The following CIAPIN1 variants were observed in gnomAD, a reference collection of about 807,000 sequenced individuals.
CIAPIN1 encodes anamorsin.
CIAPIN1 carries 18 observed loss-of-function variants against 34.3 expected under a neutral mutation model. That is an observed-to-expected ratio of 0.52 (90% CI 0.36 to 0.78). The LOEUF (loss-of-function observed/expected upper bound fraction) is 0.78, where lower values mean the gene tolerates loss of function less well. Among genes scored for constraint, CIAPIN1 ranks in the 30% least tolerant of loss-of-function variants. CIAPIN1 has a pLI of 0.00. For synonymous variants in CIAPIN1, 131 were observed against 140.4 expected (o/e 0.93, Z 0.47); for missense variants, 310 against 372.5 (o/e 0.83, Z 1.38).
intron 8 of CIAPIN1, among the ~76,000 whole-genome samples, chr16:57,429,648 T>C (rs558427364): frequency 6.3e-4 from 95 of 151,700 alleles, no homozygotes; most frequent in African/African-American, 1.8e-3. Flanking sequence ...CCCGCTACCA[T>C]GCCCGGCAAA....
intron 1 of CIAPIN1, among the ~76,000 whole-genome samples, chr16:57,442,510 A>G (rs552502410): frequency 9.9e-5 from 15 of 151,900 alleles, no homozygotes; most frequent in African/African-American, 3.6e-4. Context: ...AAAATACAAA[A>G]ATTAGCTGGG....
chr16:57,437,367 C>T (rs964826457), intron 3 of CIAPIN1, among the ~76,000 whole-genome samples: 19 of 151,914 alleles, frequency 1.3e-4, no homozygotes, highest in African/African-American at 4.4e-4. Flanking sequence ...GTGTCCTAAG[C>T]GTGTTTAAGG....
chr16:57,443,447 G>C (rs763415410), intron 1 of CIAPIN1, among the ~76,000 whole-genome samples: 2 of 151,924 alleles, frequency 1.3e-5, no homozygotes, highest in Non-Finnish European at 2.9e-5. Context: ...CTAATTCTGT[G>C]GTGTTTTTGT....
chr16:57,439,348 G>C lies in CIAPIN1; in HGVS notation c.158-14C>G. Reference sequence around the variant, plus strand: ...CTTTGTGGGCAGCTGAAAAGAAGAGGACTCTAATTAGCAATCTCCTGAGCC... The same window carrying C: ...CTTTGTGGGCAGCTGAAAAGAAGAGCACTCTAATTAGCAATCTCCTGAGCC... On this transcript the variant is annotated splice_polypyrimidine_tract_variant and intron_variant, in intron 2 of 8. Transcript: ENST00000394391. The C allele has an allele frequency of 6.2e-7, 1 of 1,614,020 alleles. No individual in the cohort carries two copies. The highest frequency in any genetic ancestry group is 1.3e-5 in the African/African-American group (1 of 75,024).
intron 1 of CIAPIN1, among the ~76,000 whole-genome samples, chr16:57,445,760 G>A (rs2030028023): frequency 6.7e-6 from 1 of 149,996 alleles, no homozygotes; most frequent in African/African-American, 2.4e-5. Flanking sequence ...CTACACGGGA[G>A]ACAGACAAGA....
intron 5 of CIAPIN1, 180 bp downstream of exon 5, chr16:57,433,864 C>T: frequency 1.8e-6 from 1 of 570,344 alleles, no homozygotes; most frequent in Non-Finnish European, 3.1e-6. Flanking sequence ...TGTATTATTT[C>T]AGTTTTGGAT....
chr16:57,446,530 T>G (rs2030078350), intron 1 of CIAPIN1, among the ~76,000 whole-genome samples: 1 of 152,200 alleles, frequency 6.6e-6, no homozygotes, highest in African/African-American at 2.4e-5. Context: ...CGTCAGTTAC[T>G]CTTAGCCCAA....
Position 57,434,195 on chromosome 16 carries a change from TA to T in CIAPIN1, c.404del (p.Leu135GlnfsTer52). 1 of 1,614,068 alleles carries T rather than the reference TA, an allele frequency of 6.2e-7. No individual in the cohort carries two copies. The highest frequency in any genetic ancestry group is 8.5e-7 in the Non-Finnish European group (1 of 1,179,970). On this transcript the variant is annotated frameshift_variant, in exon 5 of 9. Transcript: ENST00000394391. LOFTEE classifies it high-confidence loss of function. ...VEVKELQREP[L>X]TPEEVQSVRE... ...GAACAGACTGTACTTCCTCAGGGGT[TA>T]GGGGCTCCCGCTGCAGCTAGAATTC... is the stretch of plus-strand genomic sequence containing the variant.
At chr16:57,441,288 A>G (rs1903326256) in intron 1 of CIAPIN1, 1 of 159,998 alleles carries the variant, frequency 6.3e-6, no homozygotes, top group Non-Finnish European at 1.4e-5. Context: ...ATAATTCAGC[A>G]TGAACGGAAT....
chr16:57,436,561 G>T, intron 4 of CIAPIN1, 95 bp downstream of exon 4: 1 of 926,264 alleles, frequency 1.1e-6, no homozygotes, highest in Non-Finnish European at 1.7e-6. Context: ...GAAGCATCAT[G>T]TATCTTACAT....
chr16:57,436,600 AG>A, intron 4 of CIAPIN1, 55 bp downstream of exon 4: 1 of 1,314,956 alleles, frequency 7.6e-7, no homozygotes, highest in Non-Finnish European at 1.1e-6. Flanking sequence ...CCTAGTTCTA[AG>A]CAATACTGAT....
chr16:57,440,565 G>A (rs144003018), intron 2 of CIAPIN1, among the ~76,000 whole-genome samples: 6,441 of 152,096 alleles, frequency 0.042, 184 homozygotes, highest in Middle Eastern at 0.085. Context: ...CAGACCAGCC[G>A]ACACTTAGGG....
intron 8 of CIAPIN1, among the ~76,000 whole-genome samples, chr16:57,429,927 G>A (rs1053891610): frequency 6.6e-6 from 1 of 152,002 alleles, no homozygotes; most frequent in Non-Finnish European, 1.5e-5. Flanking sequence ...TTACACACGT[G>A]AGCCACTGCG....
Position 57,432,489 on chromosome 16 carries a change from T to C in CIAPIN1, c.628A>G (p.Met210Val), listed in dbSNP as rs535658771. 23 of 1,613,744 alleles carry C rather than the reference T, an allele frequency of 1.4e-5. 2 individuals are homozygous for C. In the South Asian group the frequency reaches 2.1e-4, roughly 15 times the overall value. Reference sequence around the variant, plus strand: ...AAGTGACAATGCTGCCAGCTCACCATGCTGTCGTCCTCCATATCGTTGGCT... The same window carrying C: ...AAGTGACAATGCTGCCAGCTCACCACGCTGTCGTCCTCCATATCGTTGGCT... ...LSANDMEDDS[M>V]DLIDSDELLD... Residue 210 changes from methionine (M) to valine (V), a missense_variant and splice_region_variant, in exon 6 of 9, where the codon ATG becomes GTG. By Grantham distance (21) the Met-to-Val change is conservative. Transcript: ENST00000394391.
intron 3 of CIAPIN1, among the ~76,000 whole-genome samples, chr16:57,438,868 A>C (rs1373212633): frequency 2.0e-5 from 3 of 152,212 alleles, no homozygotes; most frequent in African/African-American, 7.2e-5. Context: ...AAGCTGATGT[A>C]CATATAGTTA....
At position 57,442,839 on chromosome 16, in the gene CIAPIN1, A is replaced by G. The variant is rs1284634908; in HGVS notation, c.-55-1856T>C. On this transcript the variant is annotated intron_variant, in intron 1 of 8. Transcript: ENST00000394391. ...GGTTTTATTTGCTAGACTGATGTCA[A>G]TTGGCCTTCTGGATCCACGGCCTCC... Among the ~76,000 whole-genome samples, 4 of 152,232 alleles carry G rather than the reference A, an allele frequency of 2.6e-5. No individual in the cohort carries two copies. In the East Asian group the frequency reaches 5.8e-4, roughly 22 times the overall value.
chr16:57,430,065 G>A (rs1026237585), intron 8 of CIAPIN1, among the ~76,000 whole-genome samples, 193 bp downstream of exon 8: 11 of 152,178 alleles, frequency 7.2e-5, no homozygotes, highest in Non-Finnish European at 1.3e-4. Flanking sequence ...GACCCTCCCT[G>A]ACCAGCACAA....
chr16:57,432,450 G>C, intron 6 of CIAPIN1, 37 bp downstream of exon 6: 1 of 1,602,118 alleles, frequency 6.2e-7, no homozygotes, highest in Non-Finnish European at 8.5e-7. Context: ...ACTGGGGCCT[G>C]AAAGAAAGCA....
In CIAPIN1 at chr16:57,435,311, G is replaced by A. The variant is rs1262097380; in HGVS notation, c.388-1099C>T. 5.9e-5 allele frequency among the ~76,000 whole-genome samples: 9 copies of A among 152,284 alleles called. No homozygotes were observed. The East Asian group carries it at 7.7e-4, about 13-fold the overall frequency. ...CTAGAAGCCAAGCAGTTGCAGGCCC[G>A]TGCTTCCTGTACAGTCTGCAGAACA... On this transcript the variant is annotated intron_variant, in intron 4 of 8. Coordinates refer to ENST00000394391, the MANE Select transcript of CIAPIN1 (RefSeq NM_020313.4).
Sources: allele counts gnomAD v4.1 joint callset (sites outside exome capture counted in the v4.1 genomes callset), GRCh38; gene constraint gnomAD v4.1.1; transcripts MANE v1.5; gene names NCBI Gene and HGNC (gene_info 2026-07-23, HGNC 2026-07-21).